Variants in EIF2AK4 observed in about 807,000 individuals in gnomAD.
EIF2AK4 encodes the protein eukaryotic translation initiation factor 2 alpha kinase 4, also known as eIF-2-alpha kinase GCN2.
EIF2AK4 carries 139 observed loss-of-function variants against 211.1 expected under a neutral mutation model. That is an observed-to-expected ratio of 0.66 (90% CI 0.57 to 0.76). EIF2AK4 has a LOEUF of 0.76. Ranked by LOEUF, EIF2AK4 falls within the 30% of genes least tolerant of loss-of-function variation. The pLI, the probability that EIF2AK4 is intolerant of heterozygous loss-of-function variation, is 0.00. For missense variants in EIF2AK4, 1,664 were observed against 2,043.8 expected, an observed-to-expected ratio of 0.81 and a Z score of 3.58; for synonymous variants, 710 against 751.3, an observed-to-expected ratio of 0.94 and a Z score of 0.90.
At chr15:39,941,482 A>AAT (rs1179092637) in intron 2 of EIF2AK4, among the ~76,000 whole-genome samples, 1 of 151,998 alleles carries the variant, frequency 6.6e-6, no homozygotes, top group Non-Finnish European at 1.5e-5. Context: ...TCAAATATCA[A>AAT]ATATATATTT....
intron 1 of EIF2AK4, 48 bp downstream of exon 1, chr15:39,934,387 C>G (rs1033439291): frequency 1.3e-6 from 2 of 1,558,102 alleles, no homozygotes; most frequent in Non-Finnish European, 8.7e-7. Flanking sequence ...CTGGCCTCCC[C>G]GGGCCCTGGG....
intron 3 of EIF2AK4, 69 bp from the exon 4 acceptor site, chr15:39,949,047 T>C: frequency 6.3e-7 from 1 of 1,582,002 alleles, no homozygotes; most frequent in Admixed American, 1.7e-5. Context: ...TTTCCTGTTC[T>C]GTAGCCTCTC....
At chr15:39,956,515 T>C (rs473191) in intron 6 of EIF2AK4, among the ~76,000 whole-genome samples, 107,123 of 152,094 alleles carry the variant, frequency 0.7, 38,994 homozygotes, top group East Asian at 0.99. Context: ...TACATGAGAG[T>C]AGGAACCCCA....
rs2035406476 is a variant in EIF2AK4 at position 40,022,605 on chromosome 15, G to A, written c.4389G>A (p.Lys1463=). The stretch of plus-strand genomic sequence containing the variant: ...CGGATAAAGAAGGAAGCCATGTCAA[G>A]GTAAAGACGTCAGAGATTTTTTACA... ...LVSDKEGSHV[K]VKSFEKERQT... is the part of the protein sequence containing the mutation. Residue 1463 remains lysine, a splice_region_variant and synonymous_variant, in exon 32 of 39, where the codon AAG becomes AAA. Coordinates refer to ENST00000263791, the MANE Select transcript of EIF2AK4 (RefSeq NM_001013703.4). The A allele has an allele frequency of 1.2e-6, 2 of 1,613,924 alleles. No individual in the cohort carries two copies. Among genetic ancestry groups the A allele is most frequent in the African/African-American group, 1.3e-5 (1 of 74,938 alleles).
At chr15:40,017,303 T>G in intron 29 of EIF2AK4, 61 bp downstream of exon 29, 1 of 1,518,260 alleles carries the variant, frequency 6.6e-7, no homozygotes, top group Non-Finnish European at 8.9e-7. Context: ...AAACTTGTTA[T>G]TTTGAAATTT....
intron 21 of EIF2AK4, 80 bp from the exon 22 acceptor site, chr15:40,002,633 A>G (rs543731838): frequency 2.1e-6 from 3 of 1,451,976 alleles, no homozygotes; most frequent in Admixed American, 1.7e-5. Flanking sequence ...TGTAGTGCCT[A>G]CTGCAAGCCA....
chr15:39,979,849 C>T (rs2034755999), intron 13 of EIF2AK4, among the ~76,000 whole-genome samples: 1 of 152,106 alleles, frequency 6.6e-6, no homozygotes, highest in Admixed American at 6.5e-5. Flanking sequence ...TTTCACATCA[C>T]GGCTTAAGAA....
At chr15:39,937,400 T>C (rs1417875193) in intron 1 of EIF2AK4, among the ~76,000 whole-genome samples, 1 of 152,208 alleles carries the variant, frequency 6.6e-6, no homozygotes, top group African/African-American at 2.4e-5. Context: ...TTCTGTGAAC[T>C]GCTCATACTC....
At chr15:40,016,403 A>C (rs2035303186) in intron 27 of EIF2AK4, 99 bp from the exon 28 acceptor site, 1 of 1,375,820 alleles carries the variant, frequency 7.3e-7, no homozygotes, top group East Asian at 2.3e-5. Context: ...TAATCGTAGC[A>C]TCCCATGTGC....
At chr15:39,956,036 C>T (rs1478644333) in intron 6 of EIF2AK4, among the ~76,000 whole-genome samples, 1 of 135,824 alleles carries the variant, frequency 7.4e-6, no homozygotes, top group Non-Finnish European at 1.5e-5. Flanking sequence ...GACGGTGTCT[C>T]GCTCTGTCAC....
At chr15:39,988,868 G>T (rs986630581) in intron 15 of EIF2AK4, among the ~76,000 whole-genome samples, 1 of 152,142 alleles carries the variant, frequency 6.6e-6, no homozygotes, top group Non-Finnish European at 1.5e-5. Context: ...GAGTGTCGTG[G>T]TGCACACTTG....
intron 9 of EIF2AK4, among the ~76,000 whole-genome samples, chr15:39,971,396 C>T (rs976051939): frequency 6.6e-6 from 1 of 152,268 alleles, no homozygotes. Flanking sequence ...TGGTGACACT[C>T]ACCTGTAATC....
rs200484118 is a variant in EIF2AK4 at position 40,030,413 on chromosome 15, C to G, written c.4616C>G (p.Pro1539Arg). 8.1e-6 allele frequency: 13 copies of G among 1,613,886 alleles called. No homozygotes were observed. In the Admixed American group the frequency reaches 2.0e-4, roughly 25 times the overall value. ...TVVPIVSVLA[P>R]EKLSASTRRR... Reference sequence around the variant, plus strand: ...GTTCCCATTGTGAGTGTGCTAGCCCCGGAGAAGCTGTCAGCCAGCACTAGG... The same window carrying G: ...GTTCCCATTGTGAGTGTGCTAGCCCGGGAGAAGCTGTCAGCCAGCACTAGG... The change falls in exon 35 of 39, where the codon CCG becomes CGG. Residue 1539 changes from proline to arginine, a missense_variant. By Grantham distance (103) the Pro-to-Arg change is moderately radical. Transcript: ENST00000263791.
At chr15:39,990,912 C>T (rs182326848) in intron 16 of EIF2AK4, among the ~76,000 whole-genome samples, 22 of 152,238 alleles carry the variant, frequency 1.4e-4, no homozygotes, top group East Asian at 1.9e-4. Flanking sequence ...GCAGAGGCCC[C>T]GGGGTAAGCA....
intron 20 of EIF2AK4, 61 bp downstream of exon 20, chr15:39,998,845 T>G (rs1314188018): frequency 4.3e-6 from 6 of 1,395,710 alleles, no homozygotes; most frequent in Non-Finnish European, 6.0e-6. Flanking sequence ...ATTATTTTTC[T>G]TCTTTTTCAA....
At chr15:39,949,404 G>T (rs1253048820) in intron 4 of EIF2AK4, 136 bp downstream of exon 4, 2 of 1,292,462 alleles carry the variant, frequency 1.5e-6, no homozygotes, top group Admixed American at 5.0e-5. Context: ...GTAGACACAT[G>T]TGAGAGTATG....
intron 9 of EIF2AK4, among the ~76,000 whole-genome samples, chr15:39,972,636 C>G (rs919550779): frequency 1.3e-5 from 2 of 152,164 alleles, no homozygotes; most frequent in Non-Finnish European, 2.9e-5. Flanking sequence ...CTACCTTAGA[C>G]TTTTAAAAAA....
chr15:39,995,872 G>A (rs2898972), intron 18 of EIF2AK4, among the ~76,000 whole-genome samples: 126,148 of 152,148 alleles, frequency 0.83, 53,472 homozygotes, highest in Non-Finnish European at 0.94. Context: ...TGGTAAGAAC[G>A]CTTGAGAGCT....
intron 32 of EIF2AK4, among the ~76,000 whole-genome samples, chr15:40,025,668 T>A (rs1232892124): frequency 2.0e-5 from 3 of 152,176 alleles, no homozygotes; most frequent in Non-Finnish European, 2.9e-5. Flanking sequence ...AATTCTATCA[T>A]CTGTGATAAA....
Sources: gnomAD v4.1 joint callset for allele counts (sites outside exome capture counted in the v4.1 genomes callset) on GRCh38, gnomAD v4.1.1 for gene constraint, MANE v1.5 for transcripts, NCBI Gene and HGNC (gene_info 2026-07-23, HGNC 2026-07-21) for gene names.